PCDH9: variants seen among roughly 807,000 people sequenced by gnomAD.
The protein encoded by PCDH9 is protocadherin-9.
Under a neutral mutation model 70.6 loss-of-function variants are expected in PCDH9, and 24 were observed. The observed-to-expected ratio is 0.34, with a 90% CI of 0.25 to 0.48. The LOEUF is 0.48. Ranked by LOEUF, PCDH9 falls within the 20% of genes least tolerant of loss-of-function variation. PCDH9 has a pLI of 0.99. For missense variants in PCDH9, 1,281 were observed against 1,503.6 expected (o/e 0.85, Z 2.45); for synonymous variants, 562 against 558.5 (o/e 1.01, Z -0.09).
chr13:66,358,906 A>G (rs1362163009), intron 4 of PCDH9, among the ~76,000 whole-genome samples: 2 of 151,970 alleles, frequency 1.3e-5, no homozygotes, highest in Non-Finnish European at 2.9e-5. Flanking sequence ...TTTTTTCACA[A>G]AGCTTCCCTC....
intron 3 of PCDH9, among the ~76,000 whole-genome samples, chr13:66,777,349 C>A (rs988214883): frequency 6.7e-6 from 1 of 150,092 alleles, no homozygotes; most frequent in African/African-American, 2.4e-5. Context: ...AGGCAACCTA[C>A]AAAATGGGAG....
chr13:66,926,797 TG>T (rs2082724660), intron 2 of PCDH9, among the ~76,000 whole-genome samples: 3 of 152,102 alleles, frequency 2.0e-5, no homozygotes, highest in Admixed American at 2.0e-4. Context: ...AAGTGCTTGC[TG>T]GTAGAGTTCC....
intron 2 of PCDH9, among the ~76,000 whole-genome samples, chr13:67,096,321 T>G (rs1039345481): frequency 6.6e-6 from 1 of 152,216 alleles, no homozygotes; most frequent in African/African-American, 2.4e-5. Flanking sequence ...AAAATACTAC[T>G]AAGTCATTTG....
chr13:66,597,030 GA>G (rs995850822), intron 4 of PCDH9, among the ~76,000 whole-genome samples: 3 of 151,332 alleles, frequency 2.0e-5, no homozygotes, highest in African/African-American at 7.3e-5. Flanking sequence ...ATCATTTTCT[GA>G]AAAAAATCAA....
At chr13:66,523,483 A>C (rs1488320406) in intron 4 of PCDH9, among the ~76,000 whole-genome samples, 1 of 152,034 alleles carries the variant, frequency 6.6e-6, no homozygotes, top group Non-Finnish European at 1.5e-5. Context: ...AGTAGCACAT[A>C]ATGTGTGTCT....
chr13:67,128,502 A>C (rs1223072566), intron 2 of PCDH9, among the ~76,000 whole-genome samples: 1 of 152,184 alleles, frequency 6.6e-6, no homozygotes, highest in Non-Finnish European at 1.5e-5. Flanking sequence ...CAGCAGGGTT[A>C]ATCAACGTTA....
chr13:66,690,749 G>A (rs886618132), intron 3 of PCDH9, among the ~76,000 whole-genome samples: 8 of 152,142 alleles, frequency 5.3e-5, no homozygotes, highest in Admixed American at 4.6e-4. Context: ...AAGTTTCCTG[G>A]TTTTATTCCC....
chr13:67,212,467 A>G (rs1485654512), intron 2 of PCDH9: 1 of 152,164 alleles, frequency 6.6e-6, no homozygotes, highest in Non-Finnish European at 1.5e-5. Context: ...CCTATTGTCT[A>G]ATGCTGTTCC....
At chr13:66,892,457 G>C (rs1362204497) in intron 3 of PCDH9, among the ~76,000 whole-genome samples, 1 of 151,836 alleles carries the variant, frequency 6.6e-6, no homozygotes, top group Non-Finnish European at 1.5e-5. Context: ...TTAGCTACAT[G>C]TGTGTCATTC....
At chr13:66,491,399 G>GTA (rs1380191169) in intron 4 of PCDH9, among the ~76,000 whole-genome samples, 1 of 151,186 alleles carries the variant, frequency 6.6e-6, no homozygotes, top group African/African-American at 2.4e-5. Context: ...GTGTGTGTGT[G>GTA]TGTGTGTGTG....
intron 3 of PCDH9, among the ~76,000 whole-genome samples, chr13:66,634,432 G>T (rs541771123): frequency 1.3e-5 from 2 of 152,280 alleles, no homozygotes; most frequent in Admixed American, 1.3e-4. Context: ...GACCAATAAG[G>T]TGTAGGAGAC....
intron 4 of PCDH9, among the ~76,000 whole-genome samples, chr13:66,468,362 C>T (rs1031109950): frequency 3.3e-5 from 5 of 152,052 alleles, no homozygotes; most frequent in African/African-American, 1.2e-4. Flanking sequence ...CATCTCAGAC[C>T]CTTCTCCAAT....
intron 2 of PCDH9, among the ~76,000 whole-genome samples, chr13:67,011,524 G>A (rs553421428): frequency 3.3e-5 from 5 of 151,744 alleles, no homozygotes; most frequent in African/African-American, 9.6e-5. Flanking sequence ...AGTATTATTC[G>A]TATGCCAAAA....
chr13:66,985,762 A>G (rs1044816497), intron 2 of PCDH9: 1 of 152,022 alleles, frequency 6.6e-6, no homozygotes, highest in Non-Finnish European at 1.5e-5. Context: ...AGTAAAATAA[A>G]TGTTTAGTTG....
chr13:66,856,557 T>C (rs1423925392), intron 3 of PCDH9, among the ~76,000 whole-genome samples: 1 of 152,072 alleles, frequency 6.6e-6, no homozygotes, highest in East Asian at 1.9e-4. Flanking sequence ...ACACAGGATA[T>C]GTGTTTTTTC....
chr13:66,525,489 T>C (rs1438249975), intron 4 of PCDH9, among the ~76,000 whole-genome samples: 4 of 152,116 alleles, frequency 2.6e-5, no homozygotes, highest in Non-Finnish European at 5.9e-5. Flanking sequence ...TCTGGAACAC[T>C]TCCATTAGCA....
At chr13:66,641,573 A>C (rs888728760) in intron 3 of PCDH9, among the ~76,000 whole-genome samples, 7 of 152,198 alleles carry the variant, frequency 4.6e-5, no homozygotes, top group African/African-American at 1.7e-4. Flanking sequence ...CATGTATTTG[A>C]GAAATGTTTT....
chr13:66,446,140 T>C (rs1958085799), intron 4 of PCDH9, among the ~76,000 whole-genome samples: 1 of 152,034 alleles, frequency 6.6e-6, no homozygotes, highest in South Asian at 2.1e-4. Flanking sequence ...ATGTATGTAT[T>C]TGTGTGTATG....
chr13:66,953,386 A>C (rs1411832239), intron 2 of PCDH9, among the ~76,000 whole-genome samples: 1 of 152,216 alleles, frequency 6.6e-6, no homozygotes, highest in Non-Finnish European at 1.5e-5. Context: ...AACACAGTAC[A>C]TGTTCAAAAT....
Sources: allele counts gnomAD v4.1 joint callset (sites outside exome capture counted in the v4.1 genomes callset), GRCh38; gene constraint gnomAD v4.1.1; transcripts MANE v1.5; gene names NCBI Gene and HGNC (gene_info 2026-07-23, HGNC 2026-07-21).